The following MBD5 variants were observed in gnomAD, a reference collection of about 807,000 sequenced individuals.
The protein encoded by MBD5 is methyl-CpG-binding domain protein 5.
A neutral mutation model predicts 117.3 loss-of-function variants in MBD5; 13 were observed. The ratio of observed to expected loss-of-function variants is 0.11; its 90% CI spans 0.07 to 0.18. The LOEUF (loss-of-function observed/expected upper bound fraction) is 0.18, where lower values mean the gene tolerates loss of function less well. Among genes scored for constraint, MBD5 ranks in the 10% least tolerant of loss-of-function variants. The probability of loss-of-function intolerance (pLI) is 1.00; values close to 1 mark genes in which losing one functional copy is unlikely to be tolerated. For synonymous variants in MBD5, 727 were observed against 766.4 expected (o/e 0.95, Z 0.85); for missense variants, 1,879 against 2,093.8 (o/e 0.90, Z 2.00).
At chr2:148,448,162 T>G (rs966999589) in intron 4 of MBD5, among the ~76,000 whole-genome samples, 2 of 152,126 alleles carry the variant, frequency 1.3e-5, no homozygotes, top group Non-Finnish European at 2.9e-5. Context: ...ACTACTTGTT[T>G]CATTCCTGAT....
chr2:148,133,679 C>T (rs1697104919), intron 1 of MBD5, among the ~76,000 whole-genome samples: 1 of 152,088 alleles, frequency 6.6e-6, no homozygotes, highest in African/African-American at 2.4e-5. Flanking sequence ...AAAAATTAGC[C>T]AGGCATGGTG....
intron 3 of MBD5, among the ~76,000 whole-genome samples, chr2:148,292,907 AT>A (rs1388519741): frequency 6.6e-6 from 1 of 151,754 alleles, no homozygotes; most frequent in African/African-American, 2.4e-5. Flanking sequence ...AAAAAAAGGG[AT>A]CCAATCATTT....
intron 4 of MBD5, among the ~76,000 whole-genome samples, chr2:148,422,382 G>A (rs1705636540): frequency 1.3e-5 from 2 of 152,150 alleles, no homozygotes; most frequent in South Asian, 4.1e-4. Context: ...GAAAGGAATA[G>A]CATCAACATC....
chr2:148,302,319 G>T lies in MBD5; in HGVS notation c.-679-39895G>T, dbSNP rs1292372809. Among the ~76,000 whole-genome samples, 3 of 152,150 alleles carry T rather than the reference G, an allele frequency of 2.0e-5. No homozygotes were observed. The East Asian group carries it at 5.8e-4, about 29-fold the overall frequency. ...CCAAGTGATCACTGCCTCCAGACCA[G>T]ATCTTTCTATTAATGCTTACTTTTT... On this transcript the variant is annotated intron_variant, in intron 3 of 13. Transcript: ENST00000642680.
At chr2:148,314,069 G>C (rs530046164) in intron 3 of MBD5, among the ~76,000 whole-genome samples, 2 of 151,862 alleles carry the variant, frequency 1.3e-5, no homozygotes, top group Non-Finnish European at 2.9e-5. Flanking sequence ...GCTGCAGATC[G>C]GAGCTATTCC....
intron 3 of MBD5, among the ~76,000 whole-genome samples, chr2:148,294,509 T>TTTTTTGTTTTTTTTTTTTGTTTG (rs750245317): frequency 2.3e-5 from 3 of 129,980 alleles, no homozygotes; most frequent in African/African-American, 6.0e-5. Flanking sequence ...CAGTTTTTTT[T>TTTTTTGTTTTTTTTTTTTGTTTG]TTTTTTTTTT....
At chr2:148,138,890 A>G (rs1194457018) in intron 1 of MBD5, among the ~76,000 whole-genome samples, 2 of 152,328 alleles carry the variant, frequency 1.3e-5, no homozygotes, top group East Asian at 1.9e-4. Flanking sequence ...TAAACAATTG[A>G]TTTGAGTTTC....
chr2:148,468,292 A>T, intron 7 of MBD5, 49 bp from the exon 8 acceptor site: 1 of 1,522,632 alleles, frequency 6.6e-7, no homozygotes, highest in Non-Finnish European at 9.1e-7. Flanking sequence ...CTCCCACCAC[A>T]AAAGAGTTGA....
At chr2:148,202,652 T>G (rs1450161574) in intron 2 of MBD5, among the ~76,000 whole-genome samples, 1 of 152,170 alleles carries the variant, frequency 6.6e-6, no homozygotes, top group Non-Finnish European at 1.5e-5. Flanking sequence ...TGATGTGATT[T>G]GAGAAATTTA....
At chr2:148,164,837 A>G (rs1698088321) in intron 1 of MBD5, among the ~76,000 whole-genome samples, 1 of 152,210 alleles carries the variant, frequency 6.6e-6, no homozygotes, top group African/African-American at 2.4e-5. Context: ...AGGAAGTCCA[A>G]GACTGAGCAG....
chr2:148,486,534 A>G (rs967694129), intron 10 of MBD5, among the ~76,000 whole-genome samples: 1 of 152,222 alleles, frequency 6.6e-6, no homozygotes, highest in Admixed American at 6.5e-5. Flanking sequence ...ATGATCAAGC[A>G]TATTCTAAAC....
chr2:148,382,352 C>A (rs187598261), intron 4 of MBD5, among the ~76,000 whole-genome samples: 1 of 152,208 alleles, frequency 6.6e-6, no homozygotes, highest in Admixed American at 6.5e-5. Context: ...TCAAAAGAGA[C>A]AAAGAAGACC....
At position 148,112,082 on chromosome 2, in the gene MBD5, C is replaced by G. The variant is rs566474663; in HGVS notation, c.-924-66618C>G. On this transcript the variant is annotated intron_variant, in intron 1 of 13. Coordinates refer to ENST00000642680, the MANE Select transcript of MBD5 (RefSeq NM_001378120.1). Reference sequence around the variant, plus strand: ...AACTGTACATATACACAAACACATACCCAGAAATAAGGGAAGGCAAATGTG... The same window carrying G: ...AACTGTACATATACACAAACACATAGCCAGAAATAAGGGAAGGCAAATGTG... Among the ~76,000 whole-genome samples the G allele has an allele frequency of 3.9e-5, 6 of 152,184 alleles. No homozygotes were observed. In the East Asian group the frequency reaches 9.7e-4, roughly 25 times the overall value.
chr2:148,164,926 G>C (rs1345748996), intron 1 of MBD5, among the ~76,000 whole-genome samples: 1 of 152,154 alleles, frequency 6.6e-6, no homozygotes, highest in Admixed American at 6.5e-5. Context: ...TGGTAATTTA[G>C]AGGAAGAAGC....
At chr2:148,256,238 A>G (rs1231157507) in intron 3 of MBD5, among the ~76,000 whole-genome samples, 2 of 152,208 alleles carry the variant, frequency 1.3e-5, no homozygotes, top group East Asian at 3.8e-4. Flanking sequence ...ACAGACCCCA[A>G]TGCGTATTGA....
chr2:148,174,490 A>G (rs1197135502), intron 1 of MBD5, among the ~76,000 whole-genome samples: 1 of 152,170 alleles, frequency 6.6e-6, no homozygotes, highest in Non-Finnish European at 1.5e-5. Flanking sequence ...GTACAGCAAA[A>G]GAAACAATGT....
At chr2:148,106,540 A>G (rs1192517631) in intron 1 of MBD5, among the ~76,000 whole-genome samples, 1 of 151,914 alleles carries the variant, frequency 6.6e-6, no homozygotes, top group Non-Finnish European at 1.5e-5. Flanking sequence ...ATCATGATAC[A>G]TTTATATTTA....
Position 148,483,380 on chromosome 2 carries a change from A to C in MBD5, c.2789A>C (p.Gln930Pro), listed in dbSNP as rs564759063. The C allele has an allele frequency of 1.9e-5, 30 of 1,613,926 alleles. No individual in the cohort carries two copies. Among genetic ancestry groups the C allele is most frequent in the Non-Finnish European group, 2.5e-5 (29 of 1,179,998 alleles). ...CTACCTATCTCTTTGCCAGTGAATC[A>C]ACAGCATCTCCTAAACCAGAATCTA... Reference protein sequence around the residue: ...SSLPISLPVNQQHLLNQNLLN... With the variant: ...SSLPISLPVNPQHLLNQNLLN... Residue 930 changes from glutamine to proline, a missense_variant, in exon 9 of 14, where the codon CAA (glutamine) becomes CCA (proline). Around this residue, in one of 4 missense-constraint regions of MBD5, gnomAD observed 1,666 missense variants for 1,792.2 expected, o/e 0.93. Transcript: ENST00000642680.
chr2:148,064,137 T>TTTC (rs1310135093), intron 1 of MBD5, among the ~76,000 whole-genome samples: 6 of 148,416 alleles, frequency 4.0e-5, no homozygotes, highest in Non-Finnish European at 7.5e-5. Context: ...TCTTTTTTTT[T>TTTC]TTTTTTGAGA....
Sources: gnomAD v4.1 joint callset for allele counts (sites outside exome capture counted in the v4.1 genomes callset) on GRCh38, gnomAD v4.1.1 for gene constraint, gnomAD v4.1.1 regional missense constraint, MANE v1.5 for transcripts, NCBI Gene and HGNC (gene_info 2026-07-23, HGNC 2026-07-21) for gene names.